Variants in ADAM2 observed in about 807,000 individuals in gnomAD.
ADAM2 encodes disintegrin and metalloproteinase domain-containing protein 2.
A neutral mutation model predicts 99.3 loss-of-function variants in ADAM2; 101 were observed. The ratio of observed to expected loss-of-function variants is 1.02; its 90% CI spans 0.87 to 1.20. The LOEUF is 1.20. Ranked by LOEUF, ADAM2 falls within the 50% of genes most tolerant of loss-of-function variation. The probability of loss-of-function intolerance (pLI) is 0.00; values close to 1 mark genes in which losing one functional copy is unlikely to be tolerated. For synonymous variants in ADAM2, 323 were observed against 287.6 expected (o/e 1.12, Z -1.25); for missense variants, 948 against 878.7 (o/e 1.08, Z -1.00).
At chr8:39,833,898 T>C (rs777011678) in intron 3 of ADAM2, 46 bp downstream of exon 3, 10 of 1,053,026 alleles carry the variant, frequency 9.5e-6, no homozygotes, top group Non-Finnish European at 1.3e-5. Flanking sequence ...AAGCAAAAAT[T>C]ATAAGTAGAA....
chr8:39,833,824 T>C (rs1157711206), intron 3 of ADAM2, 120 bp downstream of exon 3: 10 of 680,678 alleles, frequency 1.5e-5, no homozygotes, highest in Admixed American at 7.6e-5. Flanking sequence ...TGATAAGGGA[T>C]GAATGAATGG....
intron 7 of ADAM2, among the ~76,000 whole-genome samples, chr8:39,794,504 C>A (rs1013815945): frequency 2.6e-5 from 4 of 152,020 alleles, no homozygotes; most frequent in African/African-American, 9.7e-5. Flanking sequence ...GAAGTAAAAA[C>A]TAAAAGGCAG....
At chr8:39,790,816 A>C (rs1803680295) in intron 7 of ADAM2, among the ~76,000 whole-genome samples, 1 of 151,940 alleles carries the variant, frequency 6.6e-6, no homozygotes, top group East Asian at 1.9e-4. Flanking sequence ...GGTTCTAATA[A>C]AGGGCCTTTG....
intron 7 of ADAM2, among the ~76,000 whole-genome samples, chr8:39,793,298 G>C (rs550792224): frequency 1.1e-4 from 17 of 152,172 alleles, no homozygotes; most frequent in African/African-American, 3.6e-4. Flanking sequence ...TGCAAAATGA[G>C]AGCAGCCATC....
intron 12 of ADAM2, 63 bp downstream of exon 12, chr8:39,769,328 CA>C: frequency 7.7e-7 from 1 of 1,302,704 alleles, no homozygotes; most frequent in South Asian, 1.3e-5. Flanking sequence ...GGCAGTTTCT[CA>C]CTCGAATTAA....
chr8:39,790,268 A>C (rs528885004), intron 7 of ADAM2, among the ~76,000 whole-genome samples: 59 of 152,086 alleles, frequency 3.9e-4, no homozygotes, highest in African/African-American at 1.4e-3. Flanking sequence ...TAATAGCTTA[A>C]AAGTGGAAAA....
chr8:39,816,129 C>T (rs981633850), intron 6 of ADAM2, among the ~76,000 whole-genome samples: 2 of 151,966 alleles, frequency 1.3e-5, no homozygotes, highest in Non-Finnish European at 2.9e-5. Context: ...AACCCCATCT[C>T]AACTAAAAAT....
chr8:39,757,715 T>C (rs1340316583), intron 15 of ADAM2, among the ~76,000 whole-genome samples: 3 of 152,210 alleles, frequency 2.0e-5, no homozygotes, highest in African/African-American at 7.2e-5. Context: ...AGTCCAGCTA[T>C]GTTAAATCCT....
intron 14 of ADAM2, among the ~76,000 whole-genome samples, chr8:39,762,550 A>AT (rs1404298890): frequency 2.6e-5 from 4 of 152,212 alleles, no homozygotes; most frequent in Non-Finnish European, 5.9e-5. Context: ...TAATCTAGGC[A>AT]TTGCTCTGTA....
chr8:39,788,196 T>C lies in ADAM2; in HGVS notation c.698A>G (p.Asp233Gly), dbSNP rs1233758941. ...TCCAGTGGTTGCAATTTTATTTTCA[T>C]CTATCCAAAGCTCCAATGAAGACAG... ...IILSSLELWI[D>G]ENKIATTGEA... The change falls in exon 9 of 21, where the codon GAT becomes GGT. Residue 233 changes from aspartate (D) to glycine (G), a missense_variant. Transcript: ENST00000265708. 1.3e-6 allele frequency: 2 copies of C among 1,580,440 alleles called. No individual in the cohort carries two copies. The highest frequency in any genetic ancestry group is 1.7e-5 in the Admixed American group (1 of 57,708).
rs756788220 is a variant in ADAM2 at position 39,761,202 on chromosome 8, A to G, written c.1587T>C (p.Asp529=). ...CAGCTTCACACTGTGTGTATCCTGA[A>G]TCACTTATACCACAGTTTCCAGATA... The part of the protein sequence containing the change: ...TDVSGNCGIS[D]SGYTQCEADN... The change falls in exon 15 of 21, where the codon GAT becomes GAC. Residue 529 remains aspartate (D), a synonymous_variant. Transcript: ENST00000265708. 1.2e-6 allele frequency: 2 copies of G among 1,602,100 alleles called. No homozygotes were observed. Among genetic ancestry groups the G allele is most frequent in the East Asian group, 2.3e-5 (1 of 44,272 alleles).
At chr8:39,766,091 G>A (rs915537141) in intron 14 of ADAM2, among the ~76,000 whole-genome samples, 16 of 152,100 alleles carry the variant, frequency 1.1e-4, no homozygotes, top group African/African-American at 3.9e-4. Context: ...CAGAGTCCCT[G>A]GATTTTCATG....
At chr8:39,829,718 C>T (rs1805542410) in intron 3 of ADAM2, among the ~76,000 whole-genome samples, 1 of 151,794 alleles carries the variant, frequency 6.6e-6, no homozygotes, top group Admixed American at 6.6e-5. Flanking sequence ...CATAACCAAA[C>T]TAGACAGAAA....
chr8:39,820,414 G>A (rs745952147), intron 6 of ADAM2, among the ~76,000 whole-genome samples: 8 of 152,162 alleles, frequency 5.3e-5, no homozygotes, highest in Non-Finnish European at 8.8e-5. Context: ...CCGTCAAAGA[G>A]AAAGCATTGA....
intron 7 of ADAM2, among the ~76,000 whole-genome samples, chr8:39,794,925 A>C (rs1266584099): frequency 6.6e-6 from 1 of 151,954 alleles, no homozygotes; most frequent in African/African-American, 2.4e-5. Flanking sequence ...AGTTGTCAGC[A>C]TTTTCTACCT....
At chr8:39,824,588 C>T (rs1343256027) in intron 4 of ADAM2, among the ~76,000 whole-genome samples, 1 of 152,090 alleles carries the variant, frequency 6.6e-6, no homozygotes, top group Admixed American at 6.5e-5. Context: ...GTACATAAGC[C>T]CTTAGCATGT....
intron 15 of ADAM2, 99 bp downstream of exon 15, chr8:39,761,076 GT>G (rs757033629): frequency 2.1e-5 from 13 of 605,922 alleles, no homozygotes; most frequent in Non-Finnish European, 3.5e-5. Context: ...CTTACTTTAT[GT>G]TCAGGGGATA....
intron 15 of ADAM2, among the ~76,000 whole-genome samples, chr8:39,757,823 A>G (rs918564789): frequency 6.6e-6 from 1 of 152,216 alleles, no homozygotes; most frequent in East Asian, 1.9e-4. Context: ...GAAATATGCT[A>G]AACACACATA....
Position 39,830,812 on chromosome 8 carries a change from G to GT in ADAM2, c.188+3131dup, listed in dbSNP as rs571389480. On this transcript the variant is annotated intron_variant, in intron 3 of 20. Coordinates refer to ENST00000265708, the MANE Select transcript of ADAM2 (RefSeq NM_001464.5). ...CAATACCTGCTTCTGTCATGTCAGTGTTTGTTTCATCCCAGAATTTATATT... is the reference window on the plus strand; with the variant it reads ...CAATACCTGCTTCTGTCATGTCAGTGTTTTGTTTCATCCCAGAATTTATATT... Among the ~76,000 whole-genome samples, 249 of 152,248 alleles carry GT rather than the reference G, an allele frequency of 1.6e-3. 1 individual carries two copies. Among genetic ancestry groups the GT allele is most frequent in the African/African-American group, 5.9e-3 (244 of 41,560 alleles).
Sources: gnomAD v4.1 joint callset for allele counts (sites outside exome capture counted in the v4.1 genomes callset) on GRCh38, gnomAD v4.1.1 for gene constraint, MANE v1.5 for transcripts, NCBI Gene and HGNC (gene_info 2026-07-23, HGNC 2026-07-21) for gene names.